PRIMPOL: variants seen among roughly 807,000 people sequenced by gnomAD.
PRIMPOL encodes the protein primase and DNA directed polymerase.
Under a neutral mutation model 63.6 loss-of-function variants are expected in PRIMPOL, and 54 were observed. That is an observed-to-expected ratio of 0.85 (90% confidence interval 0.68 to 1.07). The LOEUF (loss-of-function observed/expected upper bound fraction) is 1.07, where lower values mean the gene tolerates loss of function less well. PRIMPOL is among the 50% of genes least tolerant of loss of function. PRIMPOL has a pLI of 0.00. For synonymous variants in PRIMPOL, 197 were observed against 220.2 expected (o/e 0.89, Z 0.93); for missense variants, 610 against 648.3 (o/e 0.94, Z 0.64).
intron 11 of PRIMPOL, 151 bp downstream of exon 11, chr4:184,685,835 TCTGTCGC>T (rs1756847488): frequency 2.3e-6 from 1 of 441,634 alleles, no homozygotes; most frequent in Non-Finnish European, 3.8e-6. Context: ...GAAATCTTGC[TCTGTCGC>T]CCAGGCTGGA....
chr4:184,692,115 A>G (rs1402623035), intron 13 of PRIMPOL, among the ~76,000 whole-genome samples: 1 of 152,194 alleles, frequency 6.6e-6, no homozygotes, highest in East Asian at 1.9e-4. Flanking sequence ...TCAAACCAAC[A>G]TTTTTCTCTT....
intron 8 of PRIMPOL, among the ~76,000 whole-genome samples, chr4:184,680,103 G>T (rs1755208283): frequency 6.6e-6 from 1 of 152,096 alleles, no homozygotes; most frequent in South Asian, 2.1e-4. Flanking sequence ...GTTTTTCTAG[G>T]CTGGCAACTT....
intron 7 of PRIMPOL, among the ~76,000 whole-genome samples, chr4:184,674,885 T>C (rs1561017450): frequency 6.6e-6 from 1 of 152,222 alleles, no homozygotes; most frequent in Non-Finnish European, 1.5e-5. Flanking sequence ...CCTCAGTCTA[T>C]GTACATGTCA....
rs138068971 is a variant in PRIMPOL, at chr4:184,683,603, G to A, written c.1096+1267G>A. On this transcript the variant is annotated intron_variant, in intron 9 of 13. Coordinates refer to ENST00000314970, the MANE Select transcript of PRIMPOL (RefSeq NM_152683.4). ...CATTTGCTATTTAACCTAGAAGAGCGTTTCCTATATTTCCTATATATAGAG... is the reference window on the plus strand; with the variant it reads ...CATTTGCTATTTAACCTAGAAGAGCATTTCCTATATTTCCTATATATAGAG... 3.7e-3 allele frequency among the ~76,000 whole-genome samples: 562 copies of A among 152,254 alleles called. 2 individuals are homozygous for A. The highest frequency in any genetic ancestry group is 6.8e-3 in the Middle Eastern group (2 of 294).
intron 13 of PRIMPOL, among the ~76,000 whole-genome samples, chr4:184,693,854 T>TGAC (rs1433497599): frequency 4.6e-5 from 7 of 151,310 alleles, no homozygotes; most frequent in Admixed American, 4.6e-4. Context: ...GCTTTTTTAA[T>TGAC]GACAGGGGGG....
At chr4:184,682,118 C>A in intron 8 of PRIMPOL, 130 bp from the exon 9 acceptor site, 1 of 526,552 alleles carries the variant, frequency 1.9e-6, no homozygotes. Context: ...CATAAATGTC[C>A]TAGAACAATT....
At chr4:184,652,999 A>G (rs371044461) in intron 2 of PRIMPOL, among the ~76,000 whole-genome samples, 18 of 768 alleles carry the variant, frequency 0.023, 1 homozygote, top group African/African-American at 0.054. Context: ...AGGAAGGAAG[A>G]AGGGAAGGAA....
intron 6 of PRIMPOL, among the ~76,000 whole-genome samples, 154 bp from the exon 7 acceptor site, chr4:184,672,019 C>T (rs1353235716): frequency 2.0e-5 from 3 of 152,168 alleles, no homozygotes; most frequent in Non-Finnish European, 2.9e-5. Context: ...GGATTACAGG[C>T]GTGAGCCACT....
intron 7 of PRIMPOL, among the ~76,000 whole-genome samples, chr4:184,673,029 G>A (rs549882456): frequency 6.6e-6 from 1 of 152,226 alleles, no homozygotes; most frequent in Non-Finnish European, 1.5e-5. Flanking sequence ...CAGGCCAATC[G>A]AGACCCTAAC....
At chr4:184,676,428 TCC>T (rs1341021653) in intron 7 of PRIMPOL, among the ~76,000 whole-genome samples, 4 of 73,406 alleles carry the variant, frequency 5.4e-5, no homozygotes, top group East Asian at 4.2e-4. Context: ...CCTTCTCCCT[TCC>T]CCCTTCCCTT....
At chr4:184,661,105 C>T (rs1748195063) in intron 4 of PRIMPOL, among the ~76,000 whole-genome samples, 1 of 151,948 alleles carries the variant, frequency 6.6e-6, no homozygotes, top group South Asian at 2.1e-4. Context: ...AATATGGAAT[C>T]CTGAAAAGAA....
Position 184,654,452 on chromosome 4 carries a change from A to AGTTTTTTTTTTTTT in PRIMPOL, c.-60+2353_-60+2366dup, listed in dbSNP as rs1553985954. Reference sequence around the variant, plus strand: ...TCACTTTGTATTGACAAGTTAAAGCAGTTTTTTTTTTTTTTTGAGACAGAG... The same window carrying AGTTTTTTTTTTTTT: ...TCACTTTGTATTGACAAGTTAAAGCAGTTTTTTTTTTTTTGTTTTTTTTTTTTTTTGAGACAGAG... On this transcript the variant is annotated intron_variant, in intron 2 of 13. Coordinates refer to ENST00000314970, the MANE Select transcript of PRIMPOL (RefSeq NM_152683.4). Among the ~76,000 whole-genome samples, 1,162 of 126,450 alleles carry AGTTTTTTTTTTTTT rather than the reference A, an allele frequency of 9.2e-3. 22 individuals carry two copies. Among genetic ancestry groups the AGTTTTTTTTTTTTT allele is most frequent in the African/African-American group, 0.028 (949 of 33,492 alleles). The allele number at this position is 126,450 out of a possible 152,430, so 83.0% of individuals were successfully genotyped here.
chr4:184,687,591 T>C (rs1034149030), intron 11 of PRIMPOL, among the ~76,000 whole-genome samples: 1 of 152,160 alleles, frequency 6.6e-6, no homozygotes, highest in African/African-American at 2.4e-5. Context: ...TTCATATCTC[T>C]AAACAATATA....
intron 7 of PRIMPOL, among the ~76,000 whole-genome samples, chr4:184,675,757 C>T (rs1753128980): frequency 6.7e-6 from 1 of 149,678 alleles, no homozygotes; most frequent in Admixed American, 6.7e-5. Context: ...GCAGAGGTTG[C>T]AGTGAGCCGA....
In PRIMPOL at chr4:184,679,286, C is replaced by A. The variant is rs538589639; in HGVS notation, c.1007+892C>A. ...AGCCTTTAGGTTCCCATGTTTTGAT[C>A]ATTTTTTAAAAGTGTTAATGTTGGC... On this transcript the variant is annotated intron_variant, in intron 8 of 13. Transcript: ENST00000314970. Among the ~76,000 whole-genome samples, 18 of 152,072 alleles carry A rather than the reference C, an allele frequency of 1.2e-4. No homozygotes were observed. The South Asian group carries it at 3.3e-3, about 28-fold the overall frequency.
At chr4:184,682,460 G>A in intron 9 of PRIMPOL, 124 bp downstream of exon 9, 2 of 555,106 alleles carry the variant, frequency 3.6e-6, no homozygotes, top group Non-Finnish European at 6.5e-6. Context: ...GCCATCTCCT[G>A]CCTCAGCCTC....
chr4:184,688,304 G>C (rs1757534847), intron 11 of PRIMPOL, among the ~76,000 whole-genome samples: 1 of 152,154 alleles, frequency 6.6e-6, no homozygotes, highest in Non-Finnish European at 1.5e-5. Flanking sequence ...TTTTTCTACT[G>C]TTCCATATTC....
Position 184,649,747 on chromosome 4 carries a change from A to T in PRIMPOL, c.-299A>T, listed in dbSNP as rs1743603059. 6.6e-6 allele frequency: 1 copy of T among 152,264 alleles called. No individual in the cohort carries two copies. Among genetic ancestry groups the T allele is most frequent in the Admixed American group, 6.5e-5 (1 of 15,282 alleles). The allele number at this position is 152,264 out of a possible 1,614,324, so 9.4% of individuals were successfully genotyped here. On this transcript the variant is annotated 5_prime_UTR_variant, in exon 1 of 14. Transcript: ENST00000314970. Reference sequence around the variant, plus strand: ...CGGATTTGAAATCTAGGTCTTCCTGAGAGTCCGCGGGCTTCCGCTCCCAGC... The same window carrying T: ...CGGATTTGAAATCTAGGTCTTCCTGTGAGTCCGCGGGCTTCCGCTCCCAGC...
chr4:184,690,748 A>AAAAT (rs1442004496), intron 11 of PRIMPOL, among the ~76,000 whole-genome samples: 1 of 152,188 alleles, frequency 6.6e-6, no homozygotes, highest in African/African-American at 2.4e-5. Context: ...TTCTTTCATA[A>AAAAT]CACAAGATTT....
Sources: allele counts gnomAD v4.1 joint callset (sites outside exome capture counted in the v4.1 genomes callset), GRCh38; gene constraint gnomAD v4.1.1; transcripts MANE v1.5; gene names NCBI Gene and HGNC (gene_info 2026-07-23, HGNC 2026-07-21).